The following STPG2 variants were observed in gnomAD, a reference collection of about 807,000 sequenced individuals.
The protein encoded by STPG2 is sperm-tail PG-rich repeat-containing protein 2.
STPG2 carries 56 observed loss-of-function variants against 54.2 expected under a neutral mutation model. The observed-to-expected ratio is 1.03, with a 90% CI of 0.83 to 1.29. The LOEUF (loss-of-function observed/expected upper bound fraction) is 1.29, where lower values mean the gene tolerates loss of function less well. Among genes scored for constraint, STPG2 ranks in the 50% most tolerant of loss-of-function variants. The probability of loss-of-function intolerance (pLI) is 0.00; values close to 1 mark genes in which losing one functional copy is unlikely to be tolerated. For synonymous variants in STPG2, 200 were observed against 181.8 expected (o/e 1.10, Z -0.81); for missense variants, 596 against 544.9 (o/e 1.09, Z -0.93).
intron 5 of STPG2, among the ~76,000 whole-genome samples, chr4:98,009,820 T>C (rs1275132645): frequency 6.6e-6 from 1 of 152,054 alleles, no homozygotes; most frequent in Non-Finnish European, 1.5e-5. Flanking sequence ...CCCTTTATCA[T>C]TCATAGTTCA....
intron 4 of STPG2, among the ~76,000 whole-genome samples, chr4:97,468,977 T>TA (rs2080826509): frequency 6.6e-6 from 1 of 152,006 alleles, no homozygotes; most frequent in Non-Finnish European, 1.5e-5. Context: ...AGAACCAAAA[T>TA]AAAAAACACA....
chr4:97,921,207 C>G (rs1406238509), intron 8 of STPG2, among the ~76,000 whole-genome samples: 1 of 152,048 alleles, frequency 6.6e-6, no homozygotes, highest in Non-Finnish European at 1.5e-5. Flanking sequence ...TGCCATGCAC[C>G]CCTGACCAAG....
rs989732708 is a variant in STPG2 at position 98,050,648 on chromosome 4, T to A, written c.612+55305A>T. Reference sequence around the variant, plus strand: ...TCTAAGGTTTCCACCTTGAACTAGATCTGCTAAAAGACAATCATCAAAAAA... The same window carrying A: ...TCTAAGGTTTCCACCTTGAACTAGAACTGCTAAAAGACAATCATCAAAAAA... On this transcript the variant is annotated intron_variant, in intron 5 of 10. Transcript: ENST00000295268. Among the ~76,000 whole-genome samples the A allele has an allele frequency of 2.6e-5, 4 of 152,200 alleles. No individual in the cohort carries two copies. In the East Asian group the frequency reaches 7.7e-4, roughly 29 times the overall value.
chr4:97,454,625 C>T (rs987662919), intron 4 of STPG2, among the ~76,000 whole-genome samples: 2 of 140,510 alleles, frequency 1.4e-5, no homozygotes, highest in South Asian at 2.4e-4. Context: ...AAATATATAG[C>T]ATATCTTCAT....
At chr4:97,836,061 G>T (rs1287757359) in intron 9 of STPG2, among the ~76,000 whole-genome samples, 1 of 151,894 alleles carries the variant, frequency 6.6e-6, no homozygotes, top group Non-Finnish European at 1.5e-5. Flanking sequence ...TAACAACAAG[G>T]GATTTCAAAT....
intron 8 of STPG2, among the ~76,000 whole-genome samples, chr4:97,877,754 G>A (rs1396316571): frequency 6.6e-6 from 1 of 151,942 alleles, no homozygotes; most frequent in Non-Finnish European, 1.5e-5. Flanking sequence ...TTCCACCCCT[G>A]GCCCCTCCCA....
At chr4:98,014,298 C>T (rs1735854993) in intron 5 of STPG2, among the ~76,000 whole-genome samples, 1 of 152,058 alleles carries the variant, frequency 6.6e-6, no homozygotes, top group South Asian at 2.1e-4. Flanking sequence ...GTTTCTTAAT[C>T]CTGAGTTCTA....
At chr4:97,609,810 G>A (rs1241465288) in intron 10 of STPG2, among the ~76,000 whole-genome samples, 1 of 151,900 alleles carries the variant, frequency 6.6e-6, no homozygotes, top group African/African-American at 2.4e-5. Flanking sequence ...TTGAATTAAT[G>A]TTACGTACAT....
intron 7 of STPG2, among the ~76,000 whole-genome samples, chr4:97,965,698 C>G (rs905069002): frequency 6.6e-5 from 10 of 152,230 alleles, no homozygotes; most frequent in Admixed American, 6.5e-5. Context: ...GTTCTGCAGT[C>G]TCCGCTGGTG....
chr4:97,629,940 T>A (rs113601987), intron 10 of STPG2, among the ~76,000 whole-genome samples: 1 of 151,958 alleles, frequency 6.6e-6, no homozygotes, highest in African/African-American at 2.4e-5. Flanking sequence ...CATTATTCCA[T>A]AGACAATATC....
intron 8 of STPG2, among the ~76,000 whole-genome samples, chr4:97,922,427 G>GA (rs1487318001): frequency 1.3e-5 from 2 of 152,070 alleles, no homozygotes; most frequent in South Asian, 2.1e-4. Context: ...GGCCAGAGAT[G>GA]AAAAAAATGA....
chr4:97,461,720 C>A (rs1176992782), intron 4 of STPG2, among the ~76,000 whole-genome samples: 1 of 152,140 alleles, frequency 6.6e-6, no homozygotes, highest in African/African-American at 2.4e-5. Flanking sequence ...AAGTTGAGAA[C>A]GTTTTCATAT....
chr4:97,619,900 T>G (rs1421759041), intron 10 of STPG2, among the ~76,000 whole-genome samples: 2 of 151,388 alleles, frequency 1.3e-5, no homozygotes. Flanking sequence ...CTCGGCTCAC[T>G]GCAAGCTCCA....
intron 8 of STPG2, chr4:97,893,280 A>G (rs1055815805): frequency 6.6e-6 from 1 of 152,060 alleles, no homozygotes; most frequent in African/African-American, 2.4e-5. Context: ...GAACCACAAA[A>G]AAAAGATCCC....
intron 10 of STPG2, among the ~76,000 whole-genome samples, chr4:97,621,129 C>T (rs996774979): frequency 9.9e-5 from 15 of 152,040 alleles, no homozygotes; most frequent in South Asian, 4.1e-4. Context: ...CTCTGGGACA[C>T]GCTAAGGCAA....
At chr4:97,876,898 T>A (rs2149160756) in intron 8 of STPG2, among the ~76,000 whole-genome samples, 1 of 152,206 alleles carries the variant, frequency 6.6e-6, no homozygotes, top group East Asian at 1.9e-4. Context: ...CATAGCAGAA[T>A]TTTAAAATAT....
At chr4:97,687,347 A>C (rs749217061) in intron 10 of STPG2, among the ~76,000 whole-genome samples, 19 of 149,950 alleles carry the variant, frequency 1.3e-4, no homozygotes, top group Non-Finnish European at 2.5e-4. Context: ...TTTTTGAGAC[A>C]GAGTCTTACT....
chr4:97,897,735 T>C (rs1015575476), intron 8 of STPG2, among the ~76,000 whole-genome samples: 27 of 152,106 alleles, frequency 1.8e-4, no homozygotes, highest in African/African-American at 6.3e-4. Flanking sequence ...ACATCCTTTG[T>C]CTATTTTTTA....
At chr4:98,102,377 G>A (rs1739064284) in intron 5 of STPG2, among the ~76,000 whole-genome samples, 1 of 152,078 alleles carries the variant, frequency 6.6e-6, no homozygotes, top group African/African-American at 2.4e-5. Context: ...GGCTCCTTTT[G>A]TGCTACAACA....
Sources: allele counts gnomAD v4.1 joint callset (sites outside exome capture counted in the v4.1 genomes callset), GRCh38; gene constraint gnomAD v4.1.1; transcripts MANE v1.5; gene names NCBI Gene and HGNC (gene_info 2026-07-23, HGNC 2026-07-21).